NPHP1: variants seen among roughly 807,000 people sequenced by gnomAD.
The protein encoded by NPHP1 is nephrocystin-1.
NPHP1 carries 70 observed loss-of-function variants against 90.4 expected under a neutral mutation model. That is an observed-to-expected ratio of 0.77 (90% confidence interval 0.64 to 0.95). The LOEUF (loss-of-function observed/expected upper bound fraction) is 0.95, where lower values mean the gene tolerates loss of function less well. NPHP1 is among the 40% of genes least tolerant of loss of function. NPHP1 has a pLI of 0.00. For synonymous variants in NPHP1, 256 were observed against 271.7 expected (o/e 0.94, Z 0.57); for missense variants, 764 against 795.9 (o/e 0.96, Z 0.48).
chr2:110,191,674 TG>T (rs1451897207), intron 2 of NPHP1, among the ~76,000 whole-genome samples: 2 of 152,156 alleles, frequency 1.3e-5, no homozygotes, highest in Non-Finnish European at 1.5e-5. Flanking sequence ...TCTCCCAGCA[TG>T]CAGCTTGACA....
rs1682877562 is a variant in NPHP1, at chr2:110,168,508, A to G, written c.568T>C (p.Trp190Arg). ...TTTCCTTTGGCATCCTTAGCTATCC[A>G]CCAACCATCAGGTTTTTTTTCAATT... is the stretch of plus-strand genomic sequence containing the variant. ...LVIEKKPDGWWIAKDAKGNEG... is the reference protein window; with the variant it reads ...LVIEKKPDGWRIAKDAKGNEG... The change falls in exon 6 of 20, where the codon TGG becomes CGG. Residue 190 changes from tryptophan to arginine, a missense_variant. Transcript: ENST00000445609. 1 of 1,613,492 alleles carries G rather than the reference A, an allele frequency of 6.2e-7. No individual in the cohort carries two copies. The highest frequency in any genetic ancestry group is 8.5e-7 in the Non-Finnish European group (1 of 1,179,556).
intron 2 of NPHP1, chr2:110,184,488 C>A: frequency 1.1e-6 from 1 of 928,564 alleles, no homozygotes. Context: ...GTAAGCTGTG[C>A]TCAGCCTTTA....
intron 16 of NPHP1, among the ~76,000 whole-genome samples, chr2:110,134,532 A>G (rs1680023383): frequency 6.8e-6 from 1 of 146,672 alleles, no homozygotes; most frequent in Non-Finnish European, 1.5e-5. Flanking sequence ...TACTACAAGA[A>G]AAAAAAAAAA....
At chr2:110,146,872 G>C (rs758554085) in intron 13 of NPHP1, 37 bp from the exon 14 acceptor site, 50 of 1,446,376 alleles carry the variant, frequency 3.5e-5, no homozygotes, top group Non-Finnish European at 4.7e-5. Flanking sequence ...CTTAAGGTCT[G>C]AACTAGTCAA....
intron 16 of NPHP1, among the ~76,000 whole-genome samples, chr2:110,139,384 A>G (rs944429913): frequency 4.6e-5 from 7 of 152,172 alleles, no homozygotes; most frequent in Non-Finnish European, 8.8e-5. Context: ...AAATAGCTCC[A>G]AAAGACAAAT....
chr2:110,169,992 C>T lies in NPHP1; in HGVS notation c.336G>A (p.Gly112=), dbSNP rs144217506. ...TTTCTTCCTCTTCTTCAGTAGGTGC[C>T]CCAACTCTACAAAAAGTGTTTCTGA... ...TISRENITEV[G]APTEEEEESE... Residue 112 remains glycine (G), a synonymous_variant, in exon 5 of 20, where the codon GGG becomes GGA. Coordinates refer to ENST00000445609, the MANE Select transcript of NPHP1 (RefSeq NM_001128178.3). 42 of 1,612,818 alleles carry T rather than the reference C, an allele frequency of 2.6e-5. No homozygotes were observed. In the African/African-American group the frequency reaches 4.8e-4, roughly 18 times the overall value.
intron 2 of NPHP1, chr2:110,184,662 T>C (rs796328333): frequency 1.3e-6 from 1 of 767,156 alleles, no homozygotes; most frequent in East Asian, 2.7e-5. Flanking sequence ...TAAGGAGGGC[T>C]ATGATTTCCA....
At chr2:110,126,642 C>T (rs941613761) in intron 18 of NPHP1, 1 of 152,564 alleles carries the variant, frequency 6.6e-6, no homozygotes, top group South Asian at 2.1e-4. Flanking sequence ...AGGCCAAGTG[C>T]CATTCTTCTT....
At chr2:110,140,938 A>G (rs1680580613) in intron 16 of NPHP1, among the ~76,000 whole-genome samples, 1 of 152,214 alleles carries the variant, frequency 6.6e-6, no homozygotes. Context: ...AGCTAAGACT[A>G]TGATCTGGAA....
chr2:110,184,499 T>C (rs1684142661), intron 2 of NPHP1: 1 of 1,022,520 alleles, frequency 9.8e-7, no homozygotes, highest in Non-Finnish European at 1.5e-6. Flanking sequence ...TCAGCCTTTA[T>C]GCCACAGGCA....
Position 110,123,842 on chromosome 2 carries a change from A to G in NPHP1, c.1983T>C (p.Leu661=). 1.2e-6 allele frequency: 2 copies of G among 1,614,040 alleles called. No homozygotes were observed. Among genetic ancestry groups the G allele is most frequent in the South Asian group, 2.2e-5 (2 of 91,070 alleles). Residue 661 remains leucine (L), a synonymous_variant, in exon 20 of 20, where the codon CTT becomes CTC. Transcript: ENST00000445609. ...SPDGVHEPFD[L]SEQTYDFLGE... is the part of the protein sequence containing the mutation. Reference sequence around the variant, plus strand: ...CCAAGAAGTCATAGGTCTGCTCTGAAAGGTCAAAAGGTTCATGAACTCCGT... The same window carrying G: ...CCAAGAAGTCATAGGTCTGCTCTGAGAGGTCAAAAGGTTCATGAACTCCGT...
intron 8 of NPHP1, 55 bp downstream of exon 8, chr2:110,164,633 T>G: frequency 1.2e-6 from 2 of 1,613,432 alleles, no homozygotes; most frequent in Non-Finnish European, 1.7e-6. Context: ...CTATTTCGCA[T>G]CAGAACTATT....
rs1206661232 is a variant in NPHP1, at chr2:110,178,479, C to A, written c.273G>T (p.Lys91Asn). Residue 91 changes from lysine to asparagine, a missense_variant, in exon 4 of 20, where the codon AAG (lysine) becomes AAT (asparagine). By Grantham distance (94) the Lys-to-Asn change is moderately conservative. Transcript: ENST00000445609. ...CAAGGCCCTGCAGTTGTTGGGTAAG[C>A]TTGTCCAAAAGAGTATGCTCCTCTT... is the stretch of plus-strand genomic sequence containing the variant. ...RKEEEHTLLD[K>N]LTQQLQGLAV... The A allele has an allele frequency of 6.2e-7, 1 of 1,613,822 alleles. No individual in the cohort carries two copies.
intron 2 of NPHP1, among the ~76,000 whole-genome samples, chr2:110,192,824 C>A (rs917815182): frequency 6.6e-6 from 1 of 152,152 alleles, no homozygotes; most frequent in South Asian, 2.1e-4. Context: ...AGAAACTCTA[C>A]AAGCCAGAAG....
intron 16 of NPHP1, among the ~76,000 whole-genome samples, chr2:110,142,743 T>C (rs1680740087): frequency 6.6e-6 from 1 of 152,184 alleles, no homozygotes; most frequent in Non-Finnish European, 1.5e-5. Context: ...AATCATCTAA[T>C]ACAAAGCCTA....
intron 6 of NPHP1, among the ~76,000 whole-genome samples, chr2:110,166,761 C>T (rs184920184): frequency 0.015 from 2,237 of 152,142 alleles, 33 homozygotes; most frequent in Non-Finnish European, 0.02. Context: ...GATGCTAATC[C>T]CATGTTCTTT....
At position 110,123,759 on chromosome 2, in the gene NPHP1, C is replaced by T. The variant is rs372443602; in HGVS notation, c.*32G>A. The T allele has an allele frequency of 5.0e-5, 81 of 1,610,314 alleles. No individual in the cohort carries two copies. Among genetic ancestry groups the T allele is most frequent in the Non-Finnish European group, 5.2e-5 (61 of 1,177,500 alleles). ...TAATCGTGGAGGATCCATCTGATTC[C>T]GTGGGAAGCTGAGGGCTAGAGGCTG... On this transcript the variant is annotated 3_prime_UTR_variant, in exon 20 of 20. Transcript: ENST00000445609.
intron 2 of NPHP1, among the ~76,000 whole-genome samples, chr2:110,188,968 C>G (rs1472810432): frequency 6.6e-6 from 1 of 152,058 alleles, no homozygotes; most frequent in African/African-American, 2.4e-5. Flanking sequence ...AACTAGAACC[C>G]CTTCCATACA....
At chr2:110,177,144 A>G (rs1042699875) in intron 4 of NPHP1, among the ~76,000 whole-genome samples, 1 of 152,174 alleles carries the variant, frequency 6.6e-6, no homozygotes, top group South Asian at 2.1e-4. Flanking sequence ...GTGTCTCCCT[A>G]TATCAAGAAT....
Sources: allele counts gnomAD v4.1 joint callset (sites outside exome capture counted in the v4.1 genomes callset), GRCh38; gene constraint gnomAD v4.1.1; transcripts MANE v1.5; gene names NCBI Gene and HGNC (gene_info 2026-07-23, HGNC 2026-07-21).